EDIL3: variants seen among roughly 807,000 people sequenced by gnomAD.
The protein encoded by EDIL3 is EGF like and discoidin domains 3.
In EDIL3, 37 loss-of-function variants were observed where a neutral mutation model predicts 67.4. The ratio of observed to expected loss-of-function variants is 0.55; its 90% CI spans 0.42 to 0.72. EDIL3 has a LOEUF of 0.72. Among genes scored for constraint, EDIL3 ranks in the 30% least tolerant of loss-of-function variants. The probability of loss-of-function intolerance (pLI) is 0.00; values close to 1 mark genes in which losing one functional copy is unlikely to be tolerated. For synonymous variants in EDIL3, 195 were observed against 196.3 expected (o/e 0.99, Z 0.05); for missense variants, 527 against 586.3 (o/e 0.90, Z 1.04).
chr5:84,095,995 A>G (rs1368612873), intron 6 of EDIL3, among the ~76,000 whole-genome samples: 1 of 152,098 alleles, frequency 6.6e-6, no homozygotes, highest in Non-Finnish European at 1.5e-5. Flanking sequence ...AATTTCACAT[A>G]CGGATTTTTT....
At chr5:83,993,374 C>A (rs926836496) in intron 9 of EDIL3, among the ~76,000 whole-genome samples, 1 of 152,050 alleles carries the variant, frequency 6.6e-6, no homozygotes, top group African/African-American at 2.4e-5. Context: ...AGGCATGCTC[C>A]CTTTGTTGAA....
Position 84,339,704 on chromosome 5 carries a change from C to T in EDIL3, c.67+44604G>A, listed in dbSNP as rs370765715. Among the ~76,000 whole-genome samples the T allele has an allele frequency of 1.1e-4, 16 of 152,052 alleles. No homozygotes were observed. In the South Asian group the frequency reaches 2.3e-3, roughly 22 times the overall value. On this transcript the variant is annotated intron_variant, in intron 1 of 10. Transcript: ENST00000296591. The stretch of plus-strand genomic sequence containing the variant: ...GTCTGATATACATGGTAATTAATCT[C>T]AACTCTAAAATGGACCTATTCATGC...
chr5:83,957,174 T>A (rs780663755), intron 10 of EDIL3, among the ~76,000 whole-genome samples: 1 of 151,740 alleles, frequency 6.6e-6, no homozygotes, highest in Non-Finnish European at 1.5e-5. Flanking sequence ...TGGATGAAAC[T>A]AATGGTCTCC....
chr5:83,998,127 C>T (rs554665919), intron 9 of EDIL3, among the ~76,000 whole-genome samples: 31 of 152,168 alleles, frequency 2.0e-4, no homozygotes, highest in Non-Finnish European at 4.3e-4. Context: ...ATATGGGGCA[C>T]ACACGGCCCA....
At chr5:84,087,848 A>G (rs1747099084) in intron 6 of EDIL3, among the ~76,000 whole-genome samples, 1 of 152,206 alleles carries the variant, frequency 6.6e-6, no homozygotes, top group Admixed American at 6.5e-5. Context: ...CTATACAGCA[A>G]TTGGCACATG....
intron 4 of EDIL3, among the ~76,000 whole-genome samples, chr5:84,160,567 CT>C (rs1460849962): frequency 6.6e-6 from 1 of 151,984 alleles, no homozygotes; most frequent in Non-Finnish European, 1.5e-5. Flanking sequence ...AGAACAGTGC[CT>C]GACAAACAGC....
chr5:84,176,812 G>GAT (rs10694924), intron 4 of EDIL3, among the ~76,000 whole-genome samples: 453 of 148,914 alleles, frequency 3.0e-3, no homozygotes, highest in East Asian at 0.012. Context: ...ATTCTTCTAT[G>GAT]ATATATATAT....
rs554214996 is a variant in EDIL3 at position 84,281,503 on chromosome 5, A to G, written c.68-27291T>C. Among the ~76,000 whole-genome samples, 120 of 152,342 alleles carry G rather than the reference A, an allele frequency of 7.9e-4. 1 individual carries two copies. Among genetic ancestry groups the G allele is most frequent in the African/African-American group, 2.8e-3 (117 of 41,584 alleles). On this transcript the variant is annotated intron_variant, in intron 1 of 10. Coordinates refer to ENST00000296591, the MANE Select transcript of EDIL3 (RefSeq NM_005711.5). ...CCTAATGCCATAATCCACATGAAACACTCAGCAAAGTATCTAATCAGTGCT... is the reference window on the plus strand; with the variant it reads ...CCTAATGCCATAATCCACATGAAACGCTCAGCAAAGTATCTAATCAGTGCT...
At chr5:84,020,413 A>T (rs963528212) in intron 9 of EDIL3, among the ~76,000 whole-genome samples, 1 of 152,076 alleles carries the variant, frequency 6.6e-6, no homozygotes, top group Non-Finnish European at 1.5e-5. Flanking sequence ...TTCTTATTAC[A>T]ATCTAGCAAT....
chr5:84,040,929 C>T (rs1746108616), intron 9 of EDIL3, among the ~76,000 whole-genome samples: 1 of 152,112 alleles, frequency 6.6e-6, no homozygotes, highest in Non-Finnish European at 1.5e-5. Flanking sequence ...CTCAAGAGTT[C>T]GAGACCAGCC....
At chr5:83,955,816 G>T (rs185010439) in intron 10 of EDIL3, among the ~76,000 whole-genome samples, 290 of 151,846 alleles carry the variant, frequency 1.9e-3, no homozygotes, top group Non-Finnish European at 3.5e-3. Context: ...AACGATGAAG[G>T]TTAAAACATC....
chr5:84,161,224 T>G (rs973920282), intron 4 of EDIL3, among the ~76,000 whole-genome samples: 1 of 152,108 alleles, frequency 6.6e-6, no homozygotes, highest in Non-Finnish European at 1.5e-5. Context: ...TACCACATTT[T>G]CTTTATCTAC....
chr5:84,175,852 A>G (rs918905799), intron 4 of EDIL3, among the ~76,000 whole-genome samples: 3 of 152,140 alleles, frequency 2.0e-5, no homozygotes, highest in Non-Finnish European at 2.9e-5. Flanking sequence ...GCTACCAAGC[A>G]AAAATTCTGA....
At chr5:84,289,836 A>T (rs1745879466) in intron 1 of EDIL3, among the ~76,000 whole-genome samples, 1 of 152,178 alleles carries the variant, frequency 6.6e-6, no homozygotes, top group Non-Finnish European at 1.5e-5. Context: ...TCCAACTTTT[A>T]AGTTAAGAAA....
chr5:84,130,367 T>C (rs1021135964), intron 5 of EDIL3, among the ~76,000 whole-genome samples: 8 of 152,196 alleles, frequency 5.3e-5, no homozygotes, highest in Admixed American at 3.9e-4. Flanking sequence ...AGTTTATTCA[T>C]GTATGTTCTT....
At chr5:83,970,643 GTATATATATATATATA>G (rs70975530) in intron 9 of EDIL3, among the ~76,000 whole-genome samples, 92 of 116,134 alleles carry the variant, frequency 7.9e-4, no homozygotes, top group East Asian at 4.2e-3. Flanking sequence ...TAGGATCACA[GTATATATATATATATA>G]TATATATATA....
intron 6 of EDIL3, among the ~76,000 whole-genome samples, chr5:84,101,187 C>T (rs1747359437): frequency 6.6e-6 from 1 of 151,934 alleles, no homozygotes; most frequent in African/African-American, 2.4e-5. Flanking sequence ...TATTTGAGAG[C>T]TTAAAAATAC....
chr5:84,080,549 T>A (rs972157424), intron 6 of EDIL3, among the ~76,000 whole-genome samples: 123 of 152,288 alleles, frequency 8.1e-4, no homozygotes, highest in African/African-American at 2.8e-3. Flanking sequence ...TCTGTTTTCT[T>A]TTCAAGTTGT....
chr5:84,356,914 TTGGTCTCTCTCTCTCTCTCTTTTC>T (rs1747498866), intron 1 of EDIL3, among the ~76,000 whole-genome samples: 1 of 145,212 alleles, frequency 6.9e-6, no homozygotes, highest in African/African-American at 2.6e-5. Context: ...TTTTTTTTTT[TTGGTCTCTCTCTCTCTCTCTTTTC>T]TTTTTTTTTT....
Sources: gnomAD v4.1 joint callset for allele counts (sites outside exome capture counted in the v4.1 genomes callset) on GRCh38, gnomAD v4.1.1 for gene constraint, MANE v1.5 for transcripts, NCBI Gene and HGNC (gene_info 2026-07-23, HGNC 2026-07-21) for gene names.